Variants in DNAH9 observed in about 807,000 individuals in gnomAD.
DNAH9 encodes the protein dynein axonemal heavy chain 9, also known as DNAH9 variant protein.
A neutral mutation model predicts 471.6 loss-of-function variants in DNAH9; 345 were observed. The observed-to-expected ratio is 0.73, with a 90% CI of 0.67 to 0.80. The LOEUF (loss-of-function observed/expected upper bound fraction) is 0.80. Ranked by LOEUF, DNAH9 falls within the 30% of genes least tolerant of loss-of-function variation. The pLI, the probability that DNAH9 is intolerant of heterozygous loss-of-function variation, is 0.00. For synonymous variants in DNAH9, 2,093 were observed against 2,123.6 expected, an observed-to-expected ratio of 0.99 and a Z score of 0.40; for missense variants, 5,407 against 5,609.2, an observed-to-expected ratio of 0.96 and a Z score of 1.15.
chr17:11,813,577 G>A (rs1969995714), intron 45 of DNAH9, among the ~76,000 whole-genome samples: 1 of 152,136 alleles, frequency 6.6e-6, no homozygotes, highest in South Asian at 2.1e-4. Flanking sequence ...TCCCTCTGTA[G>A]TTATGTACAA....
At chr17:11,695,250 G>A (rs2074455565) in intron 22 of DNAH9, among the ~76,000 whole-genome samples, 1 of 152,064 alleles carries the variant, frequency 6.6e-6, no homozygotes, top group Non-Finnish European at 1.5e-5. Flanking sequence ...GCCCATCAGA[G>A]GCTAATCTCT....
chr17:11,641,372 C>A (rs913800363), intron 10 of DNAH9, among the ~76,000 whole-genome samples: 1 of 152,136 alleles, frequency 6.6e-6, no homozygotes, highest in African/African-American at 2.4e-5. Context: ...TCAAGGATTC[C>A]ATTTTTTCTC....
chr17:11,780,017 AG>A (rs1297196340), intron 38 of DNAH9, among the ~76,000 whole-genome samples: 3 of 152,358 alleles, frequency 2.0e-5, no homozygotes, highest in Non-Finnish European at 4.4e-5. Context: ...CAGCTGTAAC[AG>A]GAAGTGTTGG....
rs768584766 is a variant in DNAH9 at position 11,768,581 on chromosome 17, C to G, written c.7299C>G (p.Ser2433=). Residue 2433 remains serine, a synonymous_variant, in exon 37 of 69, where the codon TCC becomes TCG. Transcript: ENST00000262442. ...AGACCAAGAAATTCGAGCCTTGGTC[C>G]AAGCTCGTCCCCCAGTTCGAATTTG... ...DPETKKFEPW[S]KLVPQFEFDP... is the part of the protein sequence containing the mutation. 1.9e-6 allele frequency: 3 copies of G among 1,614,142 alleles called. No homozygotes were observed. The East Asian group carries it at 6.7e-5, about 36-fold the overall frequency.
At position 11,699,723 on chromosome 17, in the gene DNAH9, C is replaced by G; in HGVS notation, c.4873-8C>G. On this transcript the variant is annotated splice_polypyrimidine_tract_variant and splice_region_variant and intron_variant, in intron 22 of 68. Transcript: ENST00000262442. ...TTTATGATCCATTGGCCTGGTTTCC[C>G]TTCATAGGTTCAACGTCACCTTTCC... The G allele has an allele frequency of 6.2e-7, 1 of 1,613,944 alleles. No individual in the cohort carries two copies. The highest frequency in any genetic ancestry group is 1.1e-5 in the South Asian group (1 of 91,072).
intron 35 of DNAH9, among the ~76,000 whole-genome samples, chr17:11,763,091 A>G (rs1967782333): frequency 6.6e-6 from 1 of 152,004 alleles, no homozygotes; most frequent in African/African-American, 2.4e-5. Flanking sequence ...GAAAGTGTGA[A>G]ATGAGCGAAA....
intron 45 of DNAH9, among the ~76,000 whole-genome samples, chr17:11,821,030 C>G (rs1410170980): frequency 6.6e-6 from 1 of 152,046 alleles, no homozygotes. Flanking sequence ...GCCTATAATC[C>G]CAGCACTTTG....
chr17:11,723,298 C>T (rs1422413591), intron 27 of DNAH9: 1 of 152,246 alleles, frequency 6.6e-6, no homozygotes, highest in Non-Finnish European at 1.5e-5. Context: ...CTTCAGGAAC[C>T]TGGGTTACTT....
At chr17:11,734,669 C>T (rs2075317473) in intron 28 of DNAH9, among the ~76,000 whole-genome samples, 2 of 152,208 alleles carry the variant, frequency 1.3e-5, no homozygotes, top group South Asian at 4.1e-4. Flanking sequence ...CTGGCCTTTT[C>T]CAGGACCCAG....
Position 11,880,127 on chromosome 17 carries a change from A to G in DNAH9, c.10528A>G (p.Ile3510Val), listed in dbSNP as rs138269178. ...QALEAGAVVL[I>V]ENLEESIDPV... is the part of the protein sequence containing the mutation. ...CCTGGAAGCTGGAGCTGTGGTGCTG[A>G]TTGAAAATCTAGAGGAGTCCATTGA... is the stretch of plus-strand genomic sequence containing the variant. The change falls in exon 54 of 69, where the codon ATT (isoleucine) becomes GTT (valine). Residue 3510 changes from isoleucine (I) to valine (V), a missense_variant. Transcript: ENST00000262442. 1.2e-6 allele frequency: 2 copies of G among 1,613,934 alleles called. No homozygotes were observed. Among genetic ancestry groups the G allele is most frequent in the African/African-American group, 2.7e-5 (2 of 74,886 alleles).
chr17:11,835,500 G>A (rs1395891954), intron 49 of DNAH9, among the ~76,000 whole-genome samples: 4 of 152,190 alleles, frequency 2.6e-5, no homozygotes, highest in African/African-American at 7.2e-5. Flanking sequence ...GGAAGGTGGG[G>A]AGGGCACGAG....
At chr17:11,798,469 G>GAC (rs149764774) in intron 43 of DNAH9, among the ~76,000 whole-genome samples, 2,721 of 142,806 alleles carry the variant, frequency 0.019, 41 homozygotes, top group African/African-American at 0.03. Context: ...GAGAGAGAGA[G>GAC]AGAGAGAGAT....
At chr17:11,942,650 T>C (rs1215468217) in intron 67 of DNAH9, among the ~76,000 whole-genome samples, 165 bp downstream of exon 67, 2 of 152,276 alleles carry the variant, frequency 1.3e-5, no homozygotes, top group African/African-American at 4.8e-5. Context: ...AGCCTGGCCA[T>C]GAGGTTGTCT....
intron 17 of DNAH9, among the ~76,000 whole-genome samples, chr17:11,677,882 G>T (rs2074072509): frequency 6.6e-6 from 1 of 151,238 alleles, no homozygotes; most frequent in Non-Finnish European, 1.5e-5. Context: ...ACTATTTTTA[G>T]TCTCTTCACA....
chr17:11,944,966 A>G (rs751316634), intron 67 of DNAH9, among the ~76,000 whole-genome samples: 28 of 152,208 alleles, frequency 1.8e-4, no homozygotes, highest in Non-Finnish European at 4.0e-4. Context: ...TAGGGAATGG[A>G]TAAAGCTGAG....
In DNAH9 at chr17:11,651,124, T is replaced by A; in HGVS notation, c.2153T>A (p.Met718Lys). The change falls in exon 13 of 69, where the codon ATG (methionine) becomes AAG (lysine). Residue 718 changes from methionine (M) to lysine (K), a missense_variant. Met to Lys is a moderately conservative substitution (Grantham distance 95, BLOSUM62 -1). Transcript: ENST00000262442. ...SYLEPREMKH[M>K]PETAAAMFSS... ...CTTGAACCCAGAGAGATGAAACACA[T>A]GCCTGAGACAGCAGCAGCCATGTTC... The A allele has an allele frequency of 6.2e-7, 1 of 1,614,144 alleles. No individual in the cohort carries two copies. Among genetic ancestry groups the A allele is most frequent in the Non-Finnish European group, 8.5e-7 (1 of 1,180,022 alleles).
At chr17:11,785,875 T>TA (rs1233868899) in intron 41 of DNAH9, among the ~76,000 whole-genome samples, 3 of 152,186 alleles carry the variant, frequency 2.0e-5, no homozygotes, top group African/African-American at 7.2e-5. Flanking sequence ...ATGTGATGGT[T>TA]AAGGCAGCAA....
rs34814778 is a variant in DNAH9, at chr17:11,704,582, C to CT, written c.5391+158dup. ...GGGAGGATCACAGTGGCTGCTCCTA[C>CT]TTTTTTTTTTTTTTTTTTGAGATTG... is the stretch of plus-strand genomic sequence containing the variant. On this transcript the variant is annotated intron_variant, in intron 25 of 68. Coordinates refer to ENST00000262442, the MANE Select transcript of DNAH9 (RefSeq NM_001372.4). 83,718 of 523,688 alleles carry CT rather than the reference C, an allele frequency of 0.16. 1,887 individuals are homozygous for CT. The highest frequency in any genetic ancestry group is 0.3 in the East Asian group (8,668 of 29,044). 32.4% of individuals were successfully genotyped at this position (523,688 alleles called of 1,614,324 possible).
intron 53 of DNAH9, among the ~76,000 whole-genome samples, chr17:11,878,243 AGTT>A (rs1972582937): frequency 2.0e-5 from 1 of 51,106 alleles, no homozygotes; most frequent in African/African-American, 3.6e-5. Context: ...ATTAATTCTT[AGTT>A]CATGTCCATT....
Sources: gnomAD v4.1 joint callset for allele counts (sites outside exome capture counted in the v4.1 genomes callset) on GRCh38, gnomAD v4.1.1 for gene constraint, MANE v1.5 for transcripts, NCBI Gene and HGNC (gene_info 2026-07-23, HGNC 2026-07-21) for gene names.